DDC: variants seen among roughly 807,000 people sequenced by gnomAD.
DDC encodes the protein dopa decarboxylase.
A neutral mutation model predicts 60.0 loss-of-function variants in DDC; 43 were observed. The ratio of observed to expected loss-of-function variants is 0.72; its 90% confidence interval spans 0.56 to 0.92. The LOEUF (loss-of-function observed/expected upper bound fraction) is 0.92, where lower values mean the gene tolerates loss of function less well. Among genes scored for constraint, DDC ranks in the 40% least tolerant of loss-of-function variants. The pLI, the probability that DDC is intolerant of heterozygous loss-of-function variation, is 0.00. For synonymous variants in DDC, 232 were observed against 234.6 expected (o/e 0.99, Z 0.10); for missense variants, 573 against 620.2 (o/e 0.92, Z 0.81).
intron 4 of DDC, among the ~76,000 whole-genome samples, chr7:50,534,292 C>T (rs1376088371): frequency 6.6e-6 from 1 of 152,148 alleles, no homozygotes; most frequent in Non-Finnish European, 1.5e-5. Context: ...CTCCTTTTCC[C>T]TATAGTTTCT....
At chr7:50,529,406 T>G in intron 4 of DDC, 64 bp from the exon 5 acceptor site, 1 of 1,573,924 alleles carries the variant, frequency 6.4e-7, no homozygotes, top group East Asian at 2.2e-5. Context: ...ACCTACACTA[T>G]TGGAAGACAT....
intron 14 of DDC, chr7:50,459,774 C>T (rs868075667): frequency 1.3e-4 from 20 of 153,294 alleles, no homozygotes; most frequent in Middle Eastern, 3.2e-3. Flanking sequence ...CCACCCCATC[C>T]GGGAGGGAGG....
chr7:50,549,586 G>A (rs188679551), intron 1 of DDC, among the ~76,000 whole-genome samples: 32 of 151,826 alleles, frequency 2.1e-4, no homozygotes, highest in African/African-American at 6.3e-4. Context: ...CCTGGGAGGC[G>A]GAGCTTGCAG....
At chr7:50,530,734 A>G (rs1434324290) in intron 4 of DDC, among the ~76,000 whole-genome samples, 2 of 152,190 alleles carry the variant, frequency 1.3e-5, no homozygotes, top group Admixed American at 1.3e-4. Flanking sequence ...GTCGTAGAAG[A>G]AACCCATCTA....
At chr7:50,545,551 C>T (rs905655073) in intron 1 of DDC, among the ~76,000 whole-genome samples, 1 of 152,226 alleles carries the variant, frequency 6.6e-6, no homozygotes, top group Non-Finnish European at 1.5e-5. Context: ...CGGCTCACTG[C>T]AACCTCTGCC....
At chr7:50,543,049 G>A (rs1381242743) in intron 2 of DDC, 1 of 152,610 alleles carries the variant, frequency 6.6e-6, no homozygotes, top group African/African-American at 2.4e-5. Context: ...CAGACATGCT[G>A]GGTCGCGGCA....
rs145314038 is a variant in DDC, at chr7:50,480,190, G to A, written c.945-327C>T. On this transcript the variant is annotated intron_variant, in intron 9 of 14. Coordinates refer to ENST00000444124, the MANE Select transcript of DDC (RefSeq NM_001082971.2). ...GGCTTCCAATCTCCAGGGAGGGTAG[G>A]GGGCTGGAGATGAGTTGGCCAGTGA... 3.1e-4 allele frequency among the ~76,000 whole-genome samples: 47 copies of A among 152,284 alleles called. No individual in the cohort carries two copies. The East Asian group carries it at 8.5e-3, about 28-fold the overall frequency.
chr7:50,506,099 G>T (rs116411981), intron 6 of DDC, among the ~76,000 whole-genome samples: 1 of 152,154 alleles, frequency 6.6e-6, no homozygotes, highest in Non-Finnish European at 1.5e-5. Flanking sequence ...ATTAGGATCG[G>T]CTGGTTTGAA....
At chr7:50,525,745 T>C (rs578002511) in intron 6 of DDC, among the ~76,000 whole-genome samples, 1 of 151,688 alleles carries the variant, frequency 6.6e-6, no homozygotes, top group South Asian at 2.1e-4. Context: ...ACCTGGGTGA[T>C]AGAGTGAGAC....
chr7:50,553,484 C>CTTTTTTTTTTTTTTTTTTTTTTTTTTTTT (rs5884158), intron 1 of DDC, among the ~76,000 whole-genome samples: 4 of 90,938 alleles, frequency 4.4e-5, no homozygotes, highest in Non-Finnish European at 8.5e-5. Context: ...TCTTTCTTTT[C>CTTTTTTTTTTTTTTTTTTTTTTTTTTTTT]TTTTTTTTTT....
intron 7 of DDC, 100 bp downstream of exon 7, chr7:50,503,893 T>C (rs1363865751): frequency 2.3e-6 from 2 of 875,236 alleles, no homozygotes; most frequent in Middle Eastern, 2.2e-4. Flanking sequence ...ACCATCACAA[T>C]ATGAAGTTAA....
chr7:50,537,578 C>T lies in DDC; in HGVS notation c.435+282G>A, dbSNP rs533488082. 7.9e-5 allele frequency among the ~76,000 whole-genome samples: 12 copies of T among 152,348 alleles called. No individual in the cohort carries two copies. In the East Asian group the frequency reaches 2.3e-3, roughly 29 times the overall value. On this transcript the variant is annotated intron_variant, in intron 4 of 14. Coordinates refer to ENST00000444124, the MANE Select transcript of DDC (RefSeq NM_001082971.2). ...ATAGTTGCTGTAGTTGTTACTTCCA[C>T]GCACCTGCTGTGAGATAGCGGCTGT...
intron 11 of DDC, 42 bp from the exon 12 acceptor site, chr7:50,470,213 T>G: frequency 2.8e-6 from 4 of 1,437,514 alleles, no homozygotes; most frequent in Non-Finnish European, 3.9e-6. Context: ...AGGAAGATAT[T>G]AAAAGCTGGC....
chr7:50,495,935 A>G (rs1028867256), intron 8 of DDC, among the ~76,000 whole-genome samples: 4 of 152,206 alleles, frequency 2.6e-5, no homozygotes, highest in Non-Finnish European at 5.9e-5. Flanking sequence ...CAAAGTTCTC[A>G]GACTACACGT....
intron 8 of DDC, among the ~76,000 whole-genome samples, chr7:50,496,369 G>A (rs1431328022): frequency 2.0e-5 from 3 of 152,158 alleles, no homozygotes; most frequent in Non-Finnish European, 4.4e-5. Flanking sequence ...GATTACAGGT[G>A]TGAGCCACTG....
At chr7:50,525,214 A>G (rs918248013) in intron 6 of DDC, among the ~76,000 whole-genome samples, 4 of 152,208 alleles carry the variant, frequency 2.6e-5, no homozygotes, top group Non-Finnish European at 5.9e-5. Flanking sequence ...AGTGACTATC[A>G]GGGAGTAGCA....
In DDC at chr7:50,544,089, G is replaced by A; in HGVS notation, c.-4C>T. ...TTCGGAATTCACTTGCGTTCATGGT[G>A]TCTGGGCTCTGTCAGAGGTGAAAAC... On this transcript the variant is annotated 5_prime_UTR_variant, in exon 2 of 15. Transcript: ENST00000444124. 9.3e-6 allele frequency: 15 copies of A among 1,613,944 alleles called. No homozygotes were observed. The highest frequency in any genetic ancestry group is 1.2e-5 in the Non-Finnish European group (14 of 1,179,840).
chr7:50,519,080 G>T (rs906614770), intron 6 of DDC, among the ~76,000 whole-genome samples: 3 of 152,114 alleles, frequency 2.0e-5, no homozygotes, highest in African/African-American at 7.2e-5. Context: ...ACTGGGCTAA[G>T]GACATGAATA....
intron 3 of DDC, 77 bp from the exon 4 acceptor site, chr7:50,538,056 T>A: frequency 6.4e-7 from 1 of 1,564,270 alleles, no homozygotes; most frequent in Non-Finnish European, 8.8e-7. Context: ...ACAAGGGGAT[T>A]TAACCTTCCA....
Sources: gnomAD v4.1 joint callset for allele counts (sites outside exome capture counted in the v4.1 genomes callset) on GRCh38, gnomAD v4.1.1 for gene constraint, MANE v1.5 for transcripts, NCBI Gene and HGNC (gene_info 2026-07-23, HGNC 2026-07-21) for gene names.